Variants in PPP3CA observed in about 807,000 individuals in gnomAD.
The protein encoded by PPP3CA is CAM-PRP catalytic subunit.
PPP3CA carries 14 observed loss-of-function variants against 66.5 expected under a neutral mutation model. The ratio of observed to expected loss-of-function variants is 0.21; its 90% confidence interval spans 0.14 to 0.33. PPP3CA has a LOEUF of 0.33. Ranked by LOEUF, PPP3CA falls within the 10% of genes least tolerant of loss-of-function variation. The probability of loss-of-function intolerance (pLI) is 1.00; values close to 1 mark genes in which losing one functional copy is unlikely to be tolerated. For missense variants in PPP3CA, 317 were observed against 639.5 expected (o/e 0.50, Z 5.44); for synonymous variants, 232 against 226.2 (o/e 1.03, Z -0.23).
intron 5 of PPP3CA, among the ~76,000 whole-genome samples, chr4:101,096,721 A>T (rs182639751): frequency 6.6e-6 from 1 of 152,314 alleles, no homozygotes; most frequent in Non-Finnish European, 1.5e-5. Context: ...CTTATTTGTA[A>T]TTTGACTTTT....
chr4:101,028,672 G>T (rs1726780165), intron 13 of PPP3CA, among the ~76,000 whole-genome samples: 1 of 152,126 alleles, frequency 6.6e-6, no homozygotes, highest in Non-Finnish European at 1.5e-5. Context: ...TCTCATGTTG[G>T]AATATTTTTT....
intron 1 of PPP3CA, among the ~76,000 whole-genome samples, chr4:101,199,465 A>AT (rs3840149): frequency 3.3e-5 from 5 of 152,078 alleles, no homozygotes; most frequent in East Asian, 1.9e-4. Flanking sequence ...TTCCAAAACA[A>AT]TTTTTTTTGT....
At chr4:101,324,210 AAGG>A (rs1441462132) in intron 1 of PPP3CA, among the ~76,000 whole-genome samples, 30 of 139,538 alleles carry the variant, frequency 2.1e-4, no homozygotes, top group Non-Finnish European at 2.8e-4. Context: ...GGAAGGAAGG[AAGG>A]AAGGAAGGAA....
At chr4:101,137,348 C>A (rs1432939315) in intron 2 of PPP3CA, among the ~76,000 whole-genome samples, 1 of 151,972 alleles carries the variant, frequency 6.6e-6, no homozygotes, top group Non-Finnish European at 1.5e-5. Context: ...CTGAGTCATG[C>A]CCTGAAATAC....
chr4:101,309,682 T>G (rs1379252747), intron 1 of PPP3CA, among the ~76,000 whole-genome samples: 1 of 152,182 alleles, frequency 6.6e-6, no homozygotes, highest in Non-Finnish European at 1.5e-5. Context: ...CAATTATACG[T>G]TTTTTTAAAA....
chr4:101,330,805 T>G (rs1449339875), intron 1 of PPP3CA, among the ~76,000 whole-genome samples: 1 of 152,094 alleles, frequency 6.6e-6, no homozygotes, highest in African/African-American at 2.4e-5. Context: ...AGCCTTAACC[T>G]AGGGGAAAAA....
intron 1 of PPP3CA, among the ~76,000 whole-genome samples, chr4:101,314,499 G>A (rs1420425247): frequency 7.1e-6 from 1 of 141,764 alleles, no homozygotes; most frequent in Non-Finnish European, 1.5e-5. Flanking sequence ...GGGAGGCGGA[G>A]CTTGCAGTGA....
chr4:101,162,681 A>T (rs763623883), intron 2 of PPP3CA, among the ~76,000 whole-genome samples: 3 of 152,158 alleles, frequency 2.0e-5, no homozygotes, highest in Non-Finnish European at 4.4e-5. Context: ...TGATCCACTC[A>T]AAGAAATGGA....
At position 101,025,030 on chromosome 4, in the gene PPP3CA, C is replaced by A. The variant is rs1190865474; in HGVS notation, c.*835G>T. 2 of 151,678 alleles carry A rather than the reference C, an allele frequency of 1.3e-5. No homozygotes were observed. The highest frequency in any genetic ancestry group is 6.6e-5 in the Admixed American group (1 of 15,226). 9.4% of individuals were successfully genotyped at this position (151,678 alleles called of 1,614,324 possible). ...TCACTATACTTAAAAATGCACCACT[C>A]ATAAATATTTAATTCAGCAAGCCAC... On this transcript the variant is annotated 3_prime_UTR_variant, in exon 14 of 14. Coordinates refer to ENST00000394854, the MANE Select transcript of PPP3CA (RefSeq NM_000944.5).
intron 2 of PPP3CA, among the ~76,000 whole-genome samples, chr4:101,142,727 A>T (rs1397686520): frequency 6.6e-6 from 1 of 152,220 alleles, no homozygotes; most frequent in Non-Finnish European, 1.5e-5. Context: ...AAAACAAAGT[A>T]AACCTTTAAA....
Position 101,098,421 on chromosome 4 carries a change from C to T in PPP3CA, c.588G>A (p.Leu196=), listed in dbSNP as rs142339019. Residue 196 remains leucine, a synonymous_variant, in exon 5 of 14, where the codon CTG becomes CTA. Coordinates refer to ENST00000394854, the MANE Select transcript of PPP3CA (RefSeq NM_000944.5). ...PLAALMNQQF[L]CVHGGLSPEI... ...CTGGAGACAAACCACCATGCACACA[C>T]AGGAACTGTTGGTTCATCAGGGCAG... 859 of 1,612,778 alleles carry T rather than the reference C, an allele frequency of 5.3e-4. No homozygotes were observed. The highest frequency in any genetic ancestry group is 6.9e-4 in the Non-Finnish European group (813 of 1,179,278).
chr4:101,030,431 G>GCAT (rs1266909250), intron 12 of PPP3CA, among the ~76,000 whole-genome samples: 7 of 152,168 alleles, frequency 4.6e-5, no homozygotes, highest in African/African-American at 1.7e-4. Flanking sequence ...AAATTGAAGG[G>GCAT]CATCAGGCAA....
chr4:101,027,164 T>C (rs1309876220), intron 13 of PPP3CA, among the ~76,000 whole-genome samples: 1 of 152,080 alleles, frequency 6.6e-6, no homozygotes, highest in African/African-American at 2.4e-5. Context: ...AAGCCAGATA[T>C]TTCAGGGCCA....
chr4:101,131,566 A>G (rs933489861), intron 2 of PPP3CA, among the ~76,000 whole-genome samples: 3 of 152,176 alleles, frequency 2.0e-5, no homozygotes, highest in Admixed American at 2.0e-4. Context: ...TCCTAAATAT[A>G]TATGCATCCA....
rs1243748825 is a variant in PPP3CA at position 101,093,879 on chromosome 4, T to C, written c.679A>G (p.Met227Val). The C allele has an allele frequency of 6.2e-7, 1 of 1,612,652 alleles. No homozygotes were observed. The highest frequency in any genetic ancestry group is 1.7e-5 in the Admixed American group (1 of 59,802). The change falls in exon 6 of 14, where the codon ATG becomes GTG. Residue 227 changes from methionine (M) to valine (V), a missense_variant. Met to Val is a conservative substitution (Grantham distance 21, BLOSUM62 1). Around this residue, in one of 3 missense-constraint regions of PPP3CA, gnomAD observed 201 missense variants for 501.4 expected, o/e 0.40. Coordinates refer to ENST00000394854, the MANE Select transcript of PPP3CA (RefSeq NM_000944.5). ...GGGTCTGACCACAGGATATCACACA[T>C]AGGTCCATATGCAGGTGGTTCTTTG... ...RFKEPPAYGP[M>V]CDILWSDPLE...
chr4:101,166,487 A>G (rs1339999995), intron 2 of PPP3CA, among the ~76,000 whole-genome samples: 2 of 152,108 alleles, frequency 1.3e-5, no homozygotes, highest in Admixed American at 6.6e-5. Flanking sequence ...ATCTCCCTCA[A>G]TGGAAAGTTG....
intron 10 of PPP3CA, among the ~76,000 whole-genome samples, chr4:101,060,851 C>CT (rs1211748582): frequency 6.6e-6 from 1 of 152,050 alleles, no homozygotes; most frequent in Non-Finnish European, 1.5e-5. Context: ...CTACTGAAAG[C>CT]TTATTAAAAC....
intron 1 of PPP3CA, among the ~76,000 whole-genome samples, chr4:101,255,981 T>A (rs1726827353): frequency 6.6e-6 from 1 of 151,912 alleles, no homozygotes; most frequent in Non-Finnish European, 1.5e-5. Context: ...CATTTTCCTC[T>A]CTCTTTTGCC....
intron 10 of PPP3CA, among the ~76,000 whole-genome samples, chr4:101,042,656 T>C (rs1727577011): frequency 1.3e-5 from 2 of 152,150 alleles, no homozygotes; most frequent in African/African-American, 4.8e-5. Context: ...CCTCTAATCG[T>C]ATTCTGATTT....
Sources: gnomAD v4.1 joint callset for allele counts (sites outside exome capture counted in the v4.1 genomes callset) on GRCh38, gnomAD v4.1.1 for gene constraint, gnomAD v4.1.1 regional missense constraint, MANE v1.5 for transcripts, NCBI Gene and HGNC (gene_info 2026-07-23, HGNC 2026-07-21) for gene names.